BCL11B: variants seen among roughly 807,000 people sequenced by gnomAD.
BCL11B encodes B-cell lymphoma/leukemia 11B.
In BCL11B, 8 loss-of-function variants were observed where a neutral mutation model predicts 49.9. The observed-to-expected ratio is 0.16, with a 90% confidence interval of 0.09 to 0.29. The LOEUF is 0.29. Ranked by LOEUF, BCL11B falls within the 10% of genes least tolerant of loss-of-function variation. The pLI, the probability that BCL11B is intolerant of heterozygous loss-of-function variation, is 1.00. For synonymous variants in BCL11B, 739 were observed against 637.4 expected (o/e 1.16, Z -2.40); for missense variants, 1,006 against 1,351.0 (o/e 0.74, Z 4.00).
intron 3 of BCL11B, among the ~76,000 whole-genome samples, chr14:99,202,181 G>A (rs1362823044): frequency 6.6e-6 from 1 of 151,966 alleles, no homozygotes; most frequent in Non-Finnish European, 1.5e-5. Context: ...GTAGAAACAG[G>A]ATCTCACTAT....
chr14:99,191,708 G>A lies in BCL11B; in HGVS notation c.641-15513C>T, dbSNP rs117559828. Among the ~76,000 whole-genome samples, 510 of 150,038 alleles carry A rather than the reference G, an allele frequency of 3.4e-3. 21 individuals are homozygous for A. In the East Asian group the frequency reaches 0.088, roughly 26 times the overall value. On this transcript the variant is annotated intron_variant, in intron 3 of 3. Coordinates refer to ENST00000357195, the MANE Select transcript of BCL11B (RefSeq NM_138576.4). ...TGCATTTGTCAGCACCCCCCTGCCC[G>A]CAGCCCTCCACCAAAAAAAAAAAAA... is the stretch of plus-strand genomic sequence containing the variant.
chr14:99,187,020 C>T (rs1886872085), intron 3 of BCL11B, among the ~76,000 whole-genome samples: 1 of 152,160 alleles, frequency 6.6e-6, no homozygotes, highest in Non-Finnish European at 1.5e-5. Flanking sequence ...CCTTCAGAAA[C>T]AAGACAGTCC....
intron 2 of BCL11B, among the ~76,000 whole-genome samples, chr14:99,245,539 G>C (rs988202838): frequency 3.9e-5 from 6 of 152,218 alleles, no homozygotes; most frequent in East Asian, 1.9e-4. Flanking sequence ...CCTGGATCCC[G>C]GGAACCGCCC....
At chr14:99,211,245 A>C (rs1223404336) in intron 3 of BCL11B, among the ~76,000 whole-genome samples, 2 of 152,208 alleles carry the variant, frequency 1.3e-5, no homozygotes, top group Non-Finnish European at 2.9e-5. Context: ...TCTGCCTCAG[A>C]AAGCACCATG....
At chr14:99,189,655 C>T (rs1250527605) in intron 3 of BCL11B, among the ~76,000 whole-genome samples, 1 of 152,204 alleles carries the variant, frequency 6.6e-6, no homozygotes, top group Non-Finnish European at 1.5e-5. Context: ...GCAGCTGTGC[C>T]CATTGGTTCT....
chr14:99,225,878 T>G (rs941044425), intron 3 of BCL11B, among the ~76,000 whole-genome samples: 16 of 152,306 alleles, frequency 1.1e-4, no homozygotes, highest in African/African-American at 3.8e-4. Flanking sequence ...GTCATGCTGG[T>G]AGGTGCCCCA....
At chr14:99,215,183 G>A (rs1172830017) in intron 3 of BCL11B, among the ~76,000 whole-genome samples, 4 of 151,012 alleles carry the variant, frequency 2.6e-5, no homozygotes, top group Non-Finnish European at 4.4e-5. Context: ...CAAGGGAGAT[G>A]CACTAATTTA....
In BCL11B at chr14:99,170,686, C is replaced by A. The variant is rs934825257; in HGVS notation, c.*3465G>T. Reference sequence around the variant, plus strand: ...CATCCCAGGCCCTCGCATTCGGAAACTGACGGAATGTAGGTTTCAGAGAGC... The same window carrying A: ...CATCCCAGGCCCTCGCATTCGGAAAATGACGGAATGTAGGTTTCAGAGAGC... On this transcript the variant is annotated 3_prime_UTR_variant, in exon 4 of 4. Transcript: ENST00000357195. 1.3e-5 allele frequency: 3 copies of A among 233,208 alleles called. No individual in the cohort carries two copies. Among genetic ancestry groups the A allele is most frequent in the Admixed American group, 5.6e-5 (1 of 17,772 alleles). The allele number at this position is 233,208 out of a possible 1,614,324, so 14.4% of individuals were successfully genotyped here. A position where few individuals can be genotyped will look rare whatever the true frequency, so the allele number is the denominator to read the frequency against.
At chr14:99,226,680 C>T (rs1299461783) in intron 3 of BCL11B, among the ~76,000 whole-genome samples, 1 of 152,256 alleles carries the variant, frequency 6.6e-6, no homozygotes, top group East Asian at 1.9e-4. Flanking sequence ...CAGGCTTCCA[C>T]AGCTAGCGTG....
At chr14:99,186,268 C>G (rs1056473301) in intron 3 of BCL11B, among the ~76,000 whole-genome samples, 1 of 152,228 alleles carries the variant, frequency 6.6e-6, no homozygotes, top group Admixed American at 6.5e-5. Context: ...CGCCTGTAAT[C>G]CCAGCACTTT....
intron 2 of BCL11B, among the ~76,000 whole-genome samples, chr14:99,251,423 C>T (rs913085857): frequency 2.6e-5 from 4 of 152,044 alleles, no homozygotes; most frequent in Non-Finnish European, 4.4e-5. Context: ...TTATAGGTAC[C>T]GAGACCTGGG....
intron 3 of BCL11B, 64 bp from the exon 4 acceptor site, chr14:99,176,259 C>T (rs1886526095): frequency 3.4e-6 from 5 of 1,474,156 alleles, no homozygotes; most frequent in Admixed American, 3.8e-5. Context: ...GCGCGGGCAC[C>T]GCAGGGCCAC....
intron 3 of BCL11B, among the ~76,000 whole-genome samples, chr14:99,179,473 TAAAAAAAA>T (rs35703913): frequency 1.3e-4 from 7 of 54,570 alleles, no homozygotes; most frequent in South Asian, 1.2e-3. Context: ...GAATCCATCT[TAAAAAAAA>T]AAAAAAAAAA....
chr14:99,234,736 C>G (rs1888439695), intron 2 of BCL11B, among the ~76,000 whole-genome samples: 1 of 151,910 alleles, frequency 6.6e-6, no homozygotes, highest in Admixed American at 6.6e-5. Context: ...ATGGTCCTTT[C>G]CAAGGCATCA....
At chr14:99,198,628 A>G (rs1887248412) in intron 3 of BCL11B, among the ~76,000 whole-genome samples, 1 of 152,122 alleles carries the variant, frequency 6.6e-6, no homozygotes, top group Non-Finnish European at 1.5e-5. Context: ...CCTGGATTGA[A>G]TGGTATGAAA....
rs1888707913 is a variant in BCL11B, at chr14:99,242,738, A to G, written c.428-11181T>C. Among the ~76,000 whole-genome samples, 1 of 152,268 alleles carries G rather than the reference A, an allele frequency of 6.6e-6. No individual in the cohort carries two copies. Among genetic ancestry groups the G allele is most frequent in the Non-Finnish European group, 1.5e-5 (1 of 68,048 alleles). ...GGACCCTGCCAGAGGTTATTTTATGAAAAATCTAATTCAAGTAATCCAGCT... is the reference window on the plus strand; with the variant it reads ...GGACCCTGCCAGAGGTTATTTTATGGAAAATCTAATTCAAGTAATCCAGCT... On this transcript the variant is annotated intron_variant, in intron 2 of 3. Coordinates refer to ENST00000357195, the MANE Select transcript of BCL11B (RefSeq NM_138576.4). This position sits in a 1 kb window ranked among gnomAD's most constrained non-coding sequence, Gnocchi z 4.4.
intron 2 of BCL11B, among the ~76,000 whole-genome samples, chr14:99,240,399 T>C (rs559896450): frequency 6.6e-6 from 1 of 152,348 alleles, no homozygotes; most frequent in East Asian, 1.9e-4. Context: ...CTTTTCCTAA[T>C]GGACTTATAG....
rs1372967210 is a variant in BCL11B at position 99,192,043 on chromosome 14, A to G, written c.641-15848T>C. ...AAAGTACAATTAAGGGACGCTCAGAATCCCGAGGCCTTCAAGAACGTGCTA... is the reference window on the plus strand; with the variant it reads ...AAAGTACAATTAAGGGACGCTCAGAGTCCCGAGGCCTTCAAGAACGTGCTA... On this transcript the variant is annotated intron_variant, in intron 3 of 3. Coordinates refer to ENST00000357195, the MANE Select transcript of BCL11B (RefSeq NM_138576.4). The surrounding 1 kb of genome is among the most constrained non-coding windows in gnomAD (Gnocchi z 4.0). Among the ~76,000 whole-genome samples, 1 of 152,182 alleles carries G rather than the reference A, an allele frequency of 6.6e-6. No individual in the cohort carries two copies. Among genetic ancestry groups the G allele is most frequent in the Admixed American group, 6.5e-5 (1 of 15,282 alleles).
At chr14:99,186,350 G>C (rs754836029) in intron 3 of BCL11B, among the ~76,000 whole-genome samples, 19 of 152,292 alleles carry the variant, frequency 1.2e-4, no homozygotes, top group Non-Finnish European at 2.2e-4. Context: ...GTGAAACCTC[G>C]TCTCTACTAA....
Sources: gnomAD v4.1 joint callset for allele counts (sites outside exome capture counted in the v4.1 genomes callset) on GRCh38, gnomAD v4.1.1 for gene constraint, Gnocchi (gnomAD v3.1) non-coding constraint, MANE v1.5 for transcripts, NCBI Gene and HGNC (gene_info 2026-07-23, HGNC 2026-07-21) for gene names.